Variants in CDH23 observed in about 807,000 individuals in gnomAD.
CDH23 encodes cadherin-23.
A neutral mutation model predicts 317.1 loss-of-function variants in CDH23; 189 were observed. That is an observed-to-expected ratio of 0.60 (90% confidence interval 0.53 to 0.67). The LOEUF (loss-of-function observed/expected upper bound fraction) is 0.67, where lower values mean the gene tolerates loss of function less well. Among genes scored for constraint, CDH23 ranks in the 30% least tolerant of loss-of-function variants. The pLI, the probability that CDH23 is intolerant of heterozygous loss-of-function variation, is 0.00. For synonymous variants in CDH23, 1,839 were observed against 1,876.8 expected, an observed-to-expected ratio of 0.98 and a Z score of 0.52; for missense variants, 4,401 against 4,592.4, an observed-to-expected ratio of 0.96 and a Z score of 1.20.
intron 1 of CDH23, among the ~76,000 whole-genome samples, chr10:71,406,432 G>C (rs969344452): frequency 2.0e-5 from 3 of 152,178 alleles, no homozygotes; most frequent in Admixed American, 2.0e-4. Flanking sequence ...TTTCCATGCT[G>C]TCTGCACTTC....
At chr10:71,449,583 G>A (rs966713893) in intron 3 of CDH23, among the ~76,000 whole-genome samples, 4 of 152,082 alleles carry the variant, frequency 2.6e-5, no homozygotes, top group Non-Finnish European at 4.4e-5. Flanking sequence ...TATAACAACA[G>A]CATTTATTGA....
At chr10:71,572,154 A>T (rs907208090) in intron 8 of CDH23, among the ~76,000 whole-genome samples, 1 of 152,208 alleles carries the variant, frequency 6.6e-6, no homozygotes, top group Non-Finnish European at 1.5e-5. Flanking sequence ...GGACAGATCA[A>T]TGCCCCCAAT....
chr10:71,548,891 G>C (rs935811327), intron 6 of CDH23, among the ~76,000 whole-genome samples: 21 of 152,216 alleles, frequency 1.4e-4, no homozygotes, highest in African/African-American at 5.1e-4. Context: ...CTTGGTTCAA[G>C]AGAAATGACT....
At chr10:71,609,548 T>G (rs1395465648) in intron 9 of CDH23, among the ~76,000 whole-genome samples, 1 of 152,182 alleles carries the variant, frequency 6.6e-6, no homozygotes, top group East Asian at 1.9e-4. Flanking sequence ...CTTCCTGAGC[T>G]CTCTGCTCTA....
At chr10:71,616,912 C>T (rs1861218563) in intron 10 of CDH23, among the ~76,000 whole-genome samples, 1 of 152,214 alleles carries the variant, frequency 6.6e-6, no homozygotes, top group South Asian at 2.1e-4. Flanking sequence ...GTCTTGTCCT[C>T]CCTACCCCAT....
chr10:71,531,245 G>T (rs929820280), intron 6 of CDH23, among the ~76,000 whole-genome samples: 2 of 152,124 alleles, frequency 1.3e-5, no homozygotes, highest in Admixed American at 1.3e-4. Context: ...GAGCAAAGAG[G>T]CCTCAGAGCT....
At chr10:71,577,205 C>T (rs1858272361) in intron 8 of CDH23, among the ~76,000 whole-genome samples, 1 of 152,290 alleles carries the variant, frequency 6.6e-6, no homozygotes, top group Admixed American at 6.5e-5. Flanking sequence ...ATAGGCTGTG[C>T]TCCCCAAGAA....
intron 46 of CDH23, 76 bp downstream of exon 46, chr10:71,790,489 T>C: frequency 1.3e-6 from 2 of 1,554,234 alleles, no homozygotes; most frequent in Non-Finnish European, 1.7e-6. Flanking sequence ...ATTGAGGGCC[T>C]CCCTTCTCAG....
chr10:71,417,705 G>T (rs766556596), intron 1 of CDH23, among the ~76,000 whole-genome samples: 4 of 152,188 alleles, frequency 2.6e-5, no homozygotes, highest in Non-Finnish European at 2.9e-5. Context: ...CACCTCCAGG[G>T]CTCAAGCCAT....
intron 11 of CDH23, among the ~76,000 whole-genome samples, chr10:71,639,860 A>G (rs976638659): frequency 9.2e-5 from 14 of 152,184 alleles, no homozygotes; most frequent in Admixed American, 5.9e-4. Flanking sequence ...ACACACCCCT[A>G]TCCTGAGGGC....
intron 6 of CDH23, among the ~76,000 whole-genome samples, chr10:71,514,338 C>T (rs1460839299): frequency 1.3e-5 from 2 of 152,158 alleles, no homozygotes; most frequent in Non-Finnish European, 2.9e-5. Flanking sequence ...TGAGAACAGC[C>T]AGGTCTGGGG....
chr10:71,810,191 C>A, intron 61 of CDH23, 115 bp downstream of exon 61: 1 of 1,260,688 alleles, frequency 7.9e-7, no homozygotes. Flanking sequence ...GCAGTATAGT[C>A]CCTACTTAGT....
chr10:71,791,417 G>A lies in CDH23; in HGVS notation c.6253+82G>A, dbSNP rs546443121. On this transcript the variant is annotated intron_variant, in intron 47 of 69. Transcript: ENST00000224721. Reference sequence around the variant, plus strand: ...GGGACTGGAGCCTCAGGTTGGACACGGAGTTTGCCTCCAGTGGGGAGAAAG... The same window carrying A: ...GGGACTGGAGCCTCAGGTTGGACACAGAGTTTGCCTCCAGTGGGGAGAAAG... The A allele has an allele frequency of 4.4e-5, 55 of 1,254,566 alleles. 3 individuals are homozygous for A. In the South Asian group the frequency reaches 5.1e-4, roughly 12 times the overall value. The allele number at this position is 1,254,566 out of a possible 1,614,324, so 77.7% of individuals were successfully genotyped here.
intron 6 of CDH23, among the ~76,000 whole-genome samples, chr10:71,544,436 A>G (rs746152965): frequency 1.4e-4 from 22 of 152,172 alleles, no homozygotes; most frequent in Non-Finnish European, 2.6e-4. Context: ...GAGTGGACGA[A>G]GCTGGCGATG....
chr10:71,499,166 G>T (rs2095989), intron 3 of CDH23, among the ~76,000 whole-genome samples: 84,405 of 152,052 alleles, frequency 0.56, 24,120 homozygotes, highest in Non-Finnish European at 0.62. Context: ...GACAAATGTC[G>T]CATGTTCTCA....
At chr10:71,674,993 TG>T in intron 14 of CDH23, 118 bp from the exon 15 acceptor site, 1 of 865,474 alleles carries the variant, frequency 1.2e-6, no homozygotes, top group South Asian at 1.4e-5. Flanking sequence ...CACTGGGGTC[TG>T]GGCCTCAGAA....
intron 14 of CDH23, among the ~76,000 whole-genome samples, chr10:71,673,128 C>T (rs1304948161): frequency 2.6e-5 from 4 of 152,208 alleles, no homozygotes; most frequent in South Asian, 4.1e-4. Context: ...GCACCACCCC[C>T]TTCTTATTCA....
intron 38 of CDH23, chr10:71,773,269 C>T: frequency 7.1e-7 from 1 of 1,407,980 alleles, no homozygotes; most frequent in Non-Finnish European, 9.7e-7. Flanking sequence ...GCTGAGAGGG[C>T]CCCCAGGACG....
intron 42 of CDH23, 125 bp downstream of exon 42, chr10:71,784,545 C>A (rs2132938498): frequency 1.5e-6 from 2 of 1,331,310 alleles, no homozygotes; most frequent in East Asian, 2.4e-5. Flanking sequence ...CCAGGCCAGG[C>A]CTGCCCCTGG....
Sources: gnomAD v4.1 joint callset for allele counts (sites outside exome capture counted in the v4.1 genomes callset) on GRCh38, gnomAD v4.1.1 for gene constraint, MANE v1.5 for transcripts, NCBI Gene and HGNC (gene_info 2026-07-23, HGNC 2026-07-21) for gene names.